SLC26A9: variants seen among roughly 807,000 people sequenced by gnomAD.
SLC26A9 encodes anion transporter/exchanger protein 9.
A neutral mutation model predicts 87.1 loss-of-function variants in SLC26A9; 46 were observed. The ratio of observed to expected loss-of-function variants is 0.53; its 90% CI spans 0.42 to 0.67. The LOEUF is 0.67. Among genes scored for constraint, SLC26A9 ranks in the 30% least tolerant of loss-of-function variants. SLC26A9 has a pLI of 0.00. For missense variants in SLC26A9, 927 were observed against 1,018.3 expected, an observed-to-expected ratio of 0.91 and a Z score of 1.22; for synonymous variants, 437 against 409.1, an observed-to-expected ratio of 1.07 and a Z score of -0.82.
chr1:205,936,484 T>C (rs1558129667), intron 1 of SLC26A9, among the ~76,000 whole-genome samples: 3 of 152,138 alleles, frequency 2.0e-5, no homozygotes, highest in African/African-American at 7.2e-5. Flanking sequence ...CCCACCCTTG[T>C]GTACTGCCGC....
At position 205,917,281 on chromosome 1, in the gene SLC26A9, A is replaced by C; in HGVS notation, c.2328+2T>G. 6.2e-7 allele frequency: 1 copy of C among 1,613,168 alleles called. No homozygotes were observed. Among genetic ancestry groups the C allele is most frequent in the African/African-American group, 1.3e-5 (1 of 74,650 alleles). Reference sequence around the variant, plus strand: ...CCCTCACAGCCCCTTCCCTCAGCTCACCTGCTCTAAGTCCCAGTAGCTGCG... The same window carrying C: ...CCCTCACAGCCCCTTCCCTCAGCTCCCCTGCTCTAAGTCCCAGTAGCTGCG... On this transcript the variant is annotated splice_donor_variant, in intron 20 of 20. Transcript: ENST00000367135. LOFTEE classifies it high-confidence loss of function.
intron 12 of SLC26A9, 67 bp from the exon 13 acceptor site, chr1:205,924,556 G>A: frequency 3.5e-6 from 5 of 1,411,586 alleles, no homozygotes; most frequent in African/African-American, 1.4e-5. Flanking sequence ...AGTCTTCCTG[G>A]ATTAGCCAAG....
rs1415717092 is a variant in SLC26A9 at position 205,927,932 on chromosome 1, G to T, written c.1071C>A (p.Asn357Lys). Residue 357 changes from asparagine (N) to lysine (K), a missense_variant, in exon 9 of 21, where the codon AAC becomes AAA. Coordinates refer to ENST00000367135, the MANE Select transcript of SLC26A9 (RefSeq NM_052934.4). ...TCGAATCCACGTCGTAGCCGTGCTT[G>T]TTGGCCAGGGTCCGGCCCATAGCCA... ...INLAMGRTLANKHGYDVDSNQ... is the reference protein window; with the variant it reads ...INLAMGRTLAKKHGYDVDSNQ... 3.7e-6 allele frequency: 6 copies of T among 1,614,082 alleles called. No individual in the cohort carries two copies. In the Admixed American group the frequency reaches 8.3e-5, roughly 22 times the overall value.
At chr1:205,918,534 G>A (rs546678811) in intron 19 of SLC26A9, among the ~76,000 whole-genome samples, 1 of 152,258 alleles carries the variant, frequency 6.6e-6, no homozygotes, top group Non-Finnish European at 1.5e-5. Flanking sequence ...ACTATGCTTT[G>A]GGTGTTTGTG....
intron 5 of SLC26A9, among the ~76,000 whole-genome samples, chr1:205,930,443 A>G (rs958436137): frequency 6.6e-6 from 1 of 152,116 alleles, no homozygotes; most frequent in Non-Finnish European, 1.5e-5. Flanking sequence ...CTGGTAAAAC[A>G]TTCTTTTCAA....
Position 205,924,374 on chromosome 1 carries a change from A to G in SLC26A9, c.1496+9T>C. On this transcript the variant is annotated intron_variant, in intron 13 of 20. Coordinates refer to ENST00000367135, the MANE Select transcript of SLC26A9 (RefSeq NM_052934.4). ...CTGTGGGCCTAGGAGGGCGGAAGCTATCACTTACAACTGAGTCTGGAAGAC... is the reference window on the plus strand; with the variant it reads ...CTGTGGGCCTAGGAGGGCGGAAGCTGTCACTTACAACTGAGTCTGGAAGAC... 7 of 1,613,660 alleles carry G rather than the reference A, an allele frequency of 4.3e-6. No homozygotes were observed. The highest frequency in any genetic ancestry group is 5.1e-6 in the Non-Finnish European group (6 of 1,179,606).
chr1:205,918,998 A>C lies in SLC26A9; in HGVS notation c.2111-13T>G. On this transcript the variant is annotated splice_polypyrimidine_tract_variant and intron_variant, in intron 18 of 20. Coordinates refer to ENST00000367135, the MANE Select transcript of SLC26A9 (RefSeq NM_052934.4). The stretch of plus-strand genomic sequence containing the variant: ...TTGTACACCTGGGCTAGAAGGAGAA[A>C]AGATCACCTTCAGAAAGATAACAGC... The C allele has an allele frequency of 6.2e-7, 1 of 1,613,654 alleles. No individual in the cohort carries two copies. The highest frequency in any genetic ancestry group is 8.5e-7 in the Non-Finnish European group (1 of 1,179,544).
intron 2 of SLC26A9, 99 bp downstream of exon 2, chr1:205,935,597 C>T: frequency 6.5e-7 from 1 of 1,541,550 alleles, no homozygotes; most frequent in Non-Finnish European, 8.8e-7. Context: ...CTTCCCTTAA[C>T]CCCATCTTAG....
intron 2 of SLC26A9, 195 bp downstream of exon 2, chr1:205,935,501 C>T (rs1188966892): frequency 6.7e-6 from 5 of 744,390 alleles, no homozygotes; most frequent in African/African-American, 1.8e-5. Context: ...GGTTCTTGCT[C>T]CTGCTCCCCA....
chr1:205,933,473 GCTGTGTGTGCATC>G (rs958939103), intron 2 of SLC26A9, among the ~76,000 whole-genome samples: 21 of 152,120 alleles, frequency 1.4e-4, no homozygotes, highest in African/African-American at 4.8e-4. Flanking sequence ...GGCTCCTGCC[GCTGTGTGTGCATC>G]CTGTGTGTGC....
In SLC26A9 at chr1:205,927,953, A is replaced by G; in HGVS notation, c.1050T>C (p.Ala350=). The G allele has an allele frequency of 6.2e-7, 1 of 1,614,194 alleles. No individual in the cohort carries two copies. Among genetic ancestry groups the G allele is most frequent in the South Asian group, 1.1e-5 (1 of 91,074 alleles). The change falls in exon 9 of 21, where the codon GCT becomes GCC. Residue 350 remains alanine (A), a synonymous_variant. Coordinates refer to ENST00000367135, the MANE Select transcript of SLC26A9 (RefSeq NM_052934.4). ...GCTTGTTGGCCAGGGTCCGGCCCATAGCCAGGTTGATGACGTAGCTCACGA... is the reference window on the plus strand; with the variant it reads ...GCTTGTTGGCCAGGGTCCGGCCCATGGCCAGGTTGATGACGTAGCTCACGA... ...LAIVSYVINL[A]MGRTLANKHG... is the part of the protein sequence containing the mutation.
chr1:205,941,659 A>C (rs1407345064), intron 1 of SLC26A9, among the ~76,000 whole-genome samples: 2 of 150,344 alleles, frequency 1.3e-5, no homozygotes, highest in African/African-American at 2.5e-5. Flanking sequence ...CCAAATCCCC[A>C]CTCCTTATCT....
intron 16 of SLC26A9, 47 bp from the exon 17 acceptor site, chr1:205,921,894 G>T: frequency 1.3e-6 from 2 of 1,570,926 alleles, no homozygotes; most frequent in East Asian, 2.3e-5. Context: ...ACCAGACTGA[G>T]CCAGACCTTG....
In SLC26A9 at chr1:205,914,135, C is replaced by T. The variant is rs1658479448; in HGVS notation, c.*1222G>A. On this transcript the variant is annotated 3_prime_UTR_variant, in exon 21 of 21. Transcript: ENST00000367135. ...TTTCATCTTCATAGGAGAAGATGGCCTGAGGTCCTAAGGGTGTTAAAGAGT... is the reference window on the plus strand; with the variant it reads ...TTTCATCTTCATAGGAGAAGATGGCTTGAGGTCCTAAGGGTGTTAAAGAGT... 1.3e-5 allele frequency: 2 copies of T among 152,164 alleles called. No homozygotes were observed. The allele number at this position is 152,164 out of a possible 1,614,324, so 9.4% of individuals were successfully genotyped here. A position where few individuals can be genotyped will look rare whatever the true frequency, so the allele number is the denominator to read the frequency against.
chr1:205,929,485 C>G (rs1268007307), intron 6 of SLC26A9, 129 bp from the exon 7 acceptor site: 1 of 1,396,164 alleles, frequency 7.2e-7, no homozygotes, highest in Non-Finnish European at 9.5e-7. Flanking sequence ...GAATTAAAAC[C>G]CTGATCAGGA....
At chr1:205,935,952 C>T in intron 1 of SLC26A9, 114 bp from the exon 2 acceptor site, 1 of 1,278,566 alleles carries the variant, frequency 7.8e-7, no homozygotes, top group Non-Finnish European at 1.0e-6. Flanking sequence ...CTTCCCCGCC[C>T]CGATAAAGCA....
rs757307686 is a variant in SLC26A9, at chr1:205,926,508, A to T, written c.1389+27T>A. On this transcript the variant is annotated intron_variant, in intron 12 of 20. Coordinates refer to ENST00000367135, the MANE Select transcript of SLC26A9 (RefSeq NM_052934.4). ...TGGAGGAGAGGGCAGGGGCATGGCC[A>T]GTACCCAGAGGCTGCCCGATACTTA... is the stretch of plus-strand genomic sequence containing the variant. The T allele has an allele frequency of 1.0e-5, 16 of 1,594,432 alleles. No individual in the cohort carries two copies. In the East Asian group the frequency reaches 3.1e-4, roughly 31 times the overall value.
chr1:205,939,866 GA>G (rs1209485009), intron 1 of SLC26A9, among the ~76,000 whole-genome samples: 1 of 151,918 alleles, frequency 6.6e-6, no homozygotes, highest in Non-Finnish European at 1.5e-5. Flanking sequence ...AGCATCGCTG[GA>G]AAAAAAAGTC....
rs769038162 is a variant in SLC26A9 at position 205,932,787 on chromosome 1, G to T, written c.291C>A (p.Asn97Lys). The T allele has an allele frequency of 6.3e-7, 1 of 1,599,676 alleles. No homozygotes were observed. Among genetic ancestry groups the T allele is most frequent in the South Asian group, 1.1e-5 (1 of 87,768 alleles). Residue 97 changes from asparagine (N) to lysine (K), a missense_variant, in exon 4 of 21, where the codon AAC (asparagine) becomes AAA (lysine). Physicochemically the swap from Asn to Lys is moderately conservative, Grantham distance 94. Coordinates refer to ENST00000367135, the MANE Select transcript of SLC26A9 (RefSeq NM_052934.4). ...AGTAGAGGCCATTGACTGCAGGAAG[G>T]TTGGCCAGCAGAGCAAATGCCATGC... Reference protein sequence around the residue: ...PQGMAFALLANLPAVNGLYSS... With the variant: ...PQGMAFALLAKLPAVNGLYSS...
Sources: allele counts gnomAD v4.1 joint callset (sites outside exome capture counted in the v4.1 genomes callset), GRCh38; gene constraint gnomAD v4.1.1; transcripts MANE v1.5; gene names NCBI Gene and HGNC (gene_info 2026-07-23, HGNC 2026-07-21).